The following ATP8B4 variants were observed in gnomAD, a reference collection of about 807,000 sequenced individuals.
ATP8B4 encodes the protein probable phospholipid-transporting ATPase IM.
A neutral mutation model predicts 145.6 loss-of-function variants in ATP8B4; 133 were observed. The observed-to-expected ratio is 0.91, with a 90% confidence interval of 0.79 to 1.05. The LOEUF (loss-of-function observed/expected upper bound fraction) is 1.05, where lower values mean the gene tolerates loss of function less well. Among genes scored for constraint, ATP8B4 ranks in the 50% least tolerant of loss-of-function variants. ATP8B4 has a pLI of 0.00. For missense variants in ATP8B4, 1,458 were observed against 1,425.2 expected (o/e 1.02, Z -0.37); for synonymous variants, 507 against 492.9 (o/e 1.03, Z -0.38).
chr15:49,982,152 TAAAG>T (rs1407051045), intron 10 of ATP8B4, among the ~76,000 whole-genome samples: 1 of 151,964 alleles, frequency 6.6e-6, no homozygotes, highest in Non-Finnish European at 1.5e-5. Flanking sequence ...AGGGGGAAAT[TAAAG>T]AAAGGAGAAA....
chr15:49,952,801 C>G (rs2043216043), intron 14 of ATP8B4, among the ~76,000 whole-genome samples: 1 of 151,962 alleles, frequency 6.6e-6, no homozygotes, highest in African/African-American at 2.4e-5. Flanking sequence ...GTTTTCAGCA[C>G]TTTTTTTTGT....
intron 1 of ATP8B4, among the ~76,000 whole-genome samples, chr15:50,160,580 C>T (rs1200718028): frequency 6.6e-6 from 1 of 150,440 alleles, no homozygotes; most frequent in Non-Finnish European, 1.5e-5. Flanking sequence ...GTTGTGTTTC[C>T]ATTATTTGTT....
At chr15:49,948,496 C>A (rs796221294) in intron 14 of ATP8B4, among the ~76,000 whole-genome samples, 5 of 151,970 alleles carry the variant, frequency 3.3e-5, no homozygotes, top group East Asian at 1.9e-4. Flanking sequence ...AGTGAAAAGG[C>A]AACTTATGGA....
rs60012082 is a variant in ATP8B4, at chr15:49,884,613, GA to G, written c.2698-5155del. ...GTGAAATCCTGTCTCCAAAAAAAAA[GA>G]AAAAAAAAAAAAAAAAAGAAAGTTT... On this transcript the variant is annotated intron_variant, in intron 23 of 27. Transcript: ENST00000284509. 4.7e-4 allele frequency among the ~76,000 whole-genome samples: 55 copies of G among 117,668 alleles called. 1 individual carries two copies. Among genetic ancestry groups the G allele is most frequent in the African/African-American group, 7.4e-4 (23 of 30,976 alleles). 77.2% of individuals were successfully genotyped at this position (117,668 alleles called of 152,430 possible). A position where few individuals can be genotyped will look rare whatever the true frequency, so the allele number is the denominator to read the frequency against.
chr15:50,088,090 A>C (rs919085945), intron 2 of ATP8B4, among the ~76,000 whole-genome samples: 1 of 152,066 alleles, frequency 6.6e-6, no homozygotes, highest in Non-Finnish European at 1.5e-5. Context: ...TTAAGACCTC[A>C]AAAAACCTAG....
chr15:49,937,144 C>T (rs2041808056), intron 14 of ATP8B4, among the ~76,000 whole-genome samples: 3 of 152,104 alleles, frequency 2.0e-5, no homozygotes, highest in South Asian at 4.2e-4. Context: ...ACATTTATCA[C>T]AGAAATGTTC....
chr15:50,118,797 G>T (rs780356174), intron 1 of ATP8B4, among the ~76,000 whole-genome samples: 21 of 151,586 alleles, frequency 1.4e-4, no homozygotes, highest in Non-Finnish European at 2.8e-4. Flanking sequence ...ACTACCAAAG[G>T]AAGTGACAAA....
chr15:50,170,496 C>T (rs941541038), intron 1 of ATP8B4, among the ~76,000 whole-genome samples: 1 of 11,544 alleles, frequency 8.7e-5, no homozygotes, highest in African/African-American at 1.6e-4. Context: ...CATTACCAAA[C>T]CCCCCCCACC....
At chr15:50,139,301 C>T (rs947853504) in intron 1 of ATP8B4, among the ~76,000 whole-genome samples, 11 of 152,184 alleles carry the variant, frequency 7.2e-5, no homozygotes, top group African/African-American at 2.7e-4. Context: ...ATGGATGAAG[C>T]CGGAAGCCAT....
At chr15:50,051,160 G>C (rs1288342977) in intron 3 of ATP8B4, among the ~76,000 whole-genome samples, 1 of 152,186 alleles carries the variant, frequency 6.6e-6, no homozygotes, top group Non-Finnish European at 1.5e-5. Flanking sequence ...TCATGATAGT[G>C]AGTGAGTTTT....
At chr15:50,014,867 T>C (rs2048973565) in intron 6 of ATP8B4, among the ~76,000 whole-genome samples, 1 of 152,202 alleles carries the variant, frequency 6.6e-6, no homozygotes, top group South Asian at 2.1e-4. Context: ...TTTTGCAGTA[T>C]CTATCAAAAG....
At chr15:49,933,697 C>T (rs2041473113) in intron 15 of ATP8B4, among the ~76,000 whole-genome samples, 1 of 152,044 alleles carries the variant, frequency 6.6e-6, no homozygotes, top group African/African-American at 2.4e-5. Flanking sequence ...AGCTTACAGT[C>T]AAATGTGGTG....
intron 15 of ATP8B4, among the ~76,000 whole-genome samples, chr15:49,933,204 GA>G (rs963123561): frequency 6.7e-5 from 10 of 149,172 alleles, no homozygotes; most frequent in Non-Finnish European, 1.0e-4. Context: ...AATAAGATCT[GA>G]AAAAAAAATT....
chr15:49,920,939 A>G (rs1204053826), intron 17 of ATP8B4, among the ~76,000 whole-genome samples: 4 of 152,216 alleles, frequency 2.6e-5, no homozygotes, highest in Admixed American at 6.5e-5. Context: ...TGATATGCCT[A>G]TGCCTAAAAT....
intron 1 of ATP8B4, among the ~76,000 whole-genome samples, chr15:50,172,875 C>A (rs539130467): frequency 1.4e-4 from 21 of 151,250 alleles, no homozygotes; most frequent in African/African-American, 5.1e-4. Context: ...ACCGGCCGCC[C>A]CGTCTGAGAA....
rs527496432 is a variant in ATP8B4 at position 50,054,269 on chromosome 15, C to T, written c.88-6805G>A. On this transcript the variant is annotated intron_variant, in intron 3 of 27. Coordinates refer to ENST00000284509, the MANE Select transcript of ATP8B4 (RefSeq NM_024837.4). ...GGAGCACCCACCATCTCCAATGCTT[C>T]GAGGTATATTACCAGAGGAAAAAGA... Among the ~76,000 whole-genome samples the T allele has an allele frequency of 7.1e-4, 108 of 152,276 alleles. 2 individuals carry two copies. The highest frequency in any genetic ancestry group is 2.5e-3 in the African/African-American group (104 of 41,550).
chr15:49,893,065 A>T (rs918007031), intron 23 of ATP8B4, among the ~76,000 whole-genome samples: 2 of 152,236 alleles, frequency 1.3e-5, no homozygotes, highest in Admixed American at 6.5e-5. Context: ...AGTCACACAA[A>T]TGCTCTCTGG....
intron 14 of ATP8B4, among the ~76,000 whole-genome samples, chr15:49,944,402 A>C (rs1016523274): frequency 6.6e-6 from 1 of 152,182 alleles, no homozygotes; most frequent in African/African-American, 2.4e-5. Flanking sequence ...ATGGCAAACA[A>C]AAGAGAGAAG....
At chr15:50,064,597 T>C (rs1324102703) in intron 3 of ATP8B4, among the ~76,000 whole-genome samples, 1 of 152,224 alleles carries the variant, frequency 6.6e-6, no homozygotes, top group Non-Finnish European at 1.5e-5. Flanking sequence ...TTTTCAAGTT[T>C]AATGCCTAAG....
Sources: gnomAD v4.1 joint callset for allele counts (sites outside exome capture counted in the v4.1 genomes callset) on GRCh38, gnomAD v4.1.1 for gene constraint, MANE v1.5 for transcripts, NCBI Gene and HGNC (gene_info 2026-07-23, HGNC 2026-07-21) for gene names.